The following DST variants were observed in gnomAD, a reference collection of about 807,000 sequenced individuals.
DST encodes bullous pemphigoid antigen.
In DST, 253 loss-of-function variants were observed where a neutral mutation model predicts 875.2. The observed-to-expected ratio is 0.29, with a 90% CI of 0.26 to 0.32. DST has a LOEUF of 0.32. DST is among the 10% of genes least tolerant of loss of function. The pLI is 1.00. For missense variants in DST, 8,287 were observed against 9,111.6 expected (o/e 0.91, Z 3.68); for synonymous variants, 3,124 against 3,197.1 (o/e 0.98, Z 0.77).
rs112766974 is a variant in DST, at chr6:56,669,511, G to A, written c.1214+1130C>T. 0.016 allele frequency among the ~76,000 whole-genome samples: 2,426 copies of A among 150,652 alleles called. 124 individuals carry two copies. The East Asian group carries it at 0.2, about 13-fold the overall frequency. ...CTCAGGAGGCTGAGGCAGGAGAATC[G>A]CTTGAACCTGGGAGGTGGAGGCTGC... On this transcript the variant is annotated intron_variant, in intron 10 of 103. Transcript: ENST00000680361.
chr6:56,833,969 G>A (rs1221713258), intron 4 of DST, among the ~76,000 whole-genome samples: 2 of 151,984 alleles, frequency 1.3e-5, no homozygotes, highest in South Asian at 4.1e-4. Flanking sequence ...GCTCATACCT[G>A]TAAATCCCAG....
At chr6:56,760,422 T>G (rs2152961725) in intron 4 of DST, among the ~76,000 whole-genome samples, 1 of 152,368 alleles carries the variant, frequency 6.6e-6, no homozygotes, top group African/African-American at 2.4e-5. Flanking sequence ...TAAACCCCAG[T>G]AAGACCCACT....
In DST at chr6:56,562,175, T is replaced by C. The variant is rs1434947476; in HGVS notation, c.14031A>G (p.Gly4677=). Residue 4677 remains glycine, a synonymous_variant, in exon 56 of 104, where the codon GGA becomes GGG. Coordinates refer to ENST00000680361, the MANE Select transcript of DST (RefSeq NM_001374736.1). ...AAAATTCCTCAGTATTTGTGGCTGT[T>C]CCTTCACCATTTAATACTGCTCCAC... is the stretch of plus-strand genomic sequence containing the variant. ...KSGGAVLNGE[G]TATNTEEFWA... The C allele has an allele frequency of 3.9e-6, 6 of 1,557,182 alleles. No homozygotes were observed. The highest frequency in any genetic ancestry group is 5.2e-6 in the Non-Finnish European group (6 of 1,150,206).
chr6:56,460,221 G>T lies in DST; in HGVS notation c.23104C>A (p.Pro7702Thr), dbSNP rs1298948196. The change falls in exon 103 of 104, where the codon CCA (proline) becomes ACA (threonine). Residue 7702 changes from proline to threonine, a missense_variant. This residue lies in a region of DST where 240 missense variants were observed against 237.3 expected (regional missense o/e 1.01). Coordinates refer to ENST00000680361, the MANE Select transcript of DST (RefSeq NM_001374736.1). ...TPIQGSKLRL[P>T]GYLSGKGFHS... is the part of the protein sequence containing the mutation. The stretch of plus-strand genomic sequence containing the variant: ...AAGCCTTTCCCTGATAAATATCCTG[G>T]AAGTCGAAGCTTGCTTCCTTGTATT... The T allele has an allele frequency of 1.9e-6, 3 of 1,613,824 alleles. No individual in the cohort carries two copies. Among genetic ancestry groups the T allele is most frequent in the Non-Finnish European group, 2.5e-6 (3 of 1,179,872 alleles).
At chr6:56,868,952 G>A (rs1180315821) in intron 3 of DST, among the ~76,000 whole-genome samples, 1 of 152,178 alleles carries the variant, frequency 6.6e-6, no homozygotes, top group East Asian at 1.9e-4. Flanking sequence ...TTAAGACCAA[G>A]AGATAAGAAA....
At chr6:56,810,924 G>A (rs1347882252) in intron 4 of DST, among the ~76,000 whole-genome samples, 3 of 152,044 alleles carry the variant, frequency 2.0e-5, no homozygotes, top group East Asian at 1.9e-4. Context: ...ACTCTTGCTT[G>A]AAATCCCAGC....
intron 3 of DST, among the ~76,000 whole-genome samples, chr6:56,867,448 G>T (rs1385826818): frequency 1.3e-5 from 2 of 152,152 alleles, no homozygotes; most frequent in African/African-American, 2.4e-5. Context: ...TATCTCTGGA[G>T]TTATAGGGAG....
At position 56,922,021 on chromosome 6, in the gene DST, C is replaced by T. The variant is rs80023323; in HGVS notation, c.217-21400G>A. On this transcript the variant is annotated intron_variant, in intron 2 of 103. Coordinates refer to ENST00000680361, the MANE Select transcript of DST (RefSeq NM_001374736.1). ...ACGAAATTATTTCCTTAAATACATA[C>T]ATATATACGTATGTATCCTTTCTCC... Among the ~76,000 whole-genome samples the T allele has an allele frequency of 6.6e-3, 1,004 of 152,172 alleles. 11 individuals carry two copies. Among genetic ancestry groups the T allele is most frequent in the African/African-American group, 0.023 (966 of 41,532 alleles).
chr6:56,642,672 T>C (rs750295324), intron 15 of DST, 169 bp from the exon 16 acceptor site: 1 of 1,614,146 alleles, frequency 6.2e-7, no homozygotes, highest in East Asian at 2.2e-5. Flanking sequence ...AGTTGATCAG[T>C]GTTGGACCAC....
rs1256556496 is a variant in DST at position 56,600,316 on chromosome 6, G to A, written c.11542-95C>T. 5.7e-6 allele frequency: 7 copies of A among 1,218,092 alleles called. No homozygotes were observed. The East Asian group carries it at 1.6e-4, about 28-fold the overall frequency. The allele number at this position is 1,218,092 out of a possible 1,614,324, so 75.5% of individuals were successfully genotyped here. On this transcript the variant is annotated intron_variant, in intron 44 of 103. Coordinates refer to ENST00000680361, the MANE Select transcript of DST (RefSeq NM_001374736.1). ...TATTAGAACACATTTTCCAAGTTTT[G>A]TCTAATAAGCTTTTATAAGTATGCT...
chr6:56,604,558 T>C lies in DST; in HGVS notation c.10070A>G (p.Asp3357Gly). 1.2e-6 allele frequency: 2 copies of C among 1,611,780 alleles called. No homozygotes were observed. Among genetic ancestry groups the C allele is most frequent in the Non-Finnish European group, 1.7e-6 (2 of 1,178,904 alleles). Residue 3357 changes from aspartate to glycine, a missense_variant, in exon 40 of 104, where the codon GAT (aspartate) becomes GGT (glycine). Transcript: ENST00000680361. ...TTCTTTCAACCTGCTTTTTAAGATA[T>C]CCTTTACATCCTCCACAAATACCTG... ...LSQVFVEDVK[D>G]ILKSRLKEGH...
chr6:56,654,453 C>T (rs555634045), intron 10 of DST, among the ~76,000 whole-genome samples: 1 of 151,958 alleles, frequency 6.6e-6, no homozygotes, highest in South Asian at 2.1e-4. Context: ...AAGCTTGGTG[C>T]CCTGAATTTG....
At chr6:56,896,432 C>T (rs1291915261) in intron 3 of DST, among the ~76,000 whole-genome samples, 2 of 152,170 alleles carry the variant, frequency 1.3e-5, no homozygotes, top group Non-Finnish European at 2.9e-5. Context: ...AAGTGCCTTT[C>T]ACCTCCCACG....
chr6:56,608,188 A>T lies in DST; in HGVS notation c.6440T>A (p.Met2147Lys), dbSNP rs1399620408. ...ILKNITLPDKMPDLGDLEACK... is the reference protein window; with the variant it reads ...ILKNITLPDKKPDLGDLEACK... ...AGCTTCTAAATCTCCTAAATCTGGC[A>T]TTTTATCAGGCAGTGTTATATTTTT... The change falls in exon 40 of 104, where the codon ATG becomes AAG. Residue 2147 changes from methionine to lysine, a missense_variant. By Grantham distance (95) the Met-to-Lys change is moderately conservative. Around this residue, in one of 10 missense-constraint regions of DST, gnomAD observed 3,138 missense variants for 3,116.6 expected, o/e 1.01. Transcript: ENST00000680361. 4 of 1,613,698 alleles carry T rather than the reference A, an allele frequency of 2.5e-6. No individual in the cohort carries two copies. The South Asian group carries it at 3.3e-5, about 13-fold the overall frequency.
At chr6:56,754,948 A>C (rs1418418756) in intron 4 of DST, among the ~76,000 whole-genome samples, 1 of 152,168 alleles carries the variant, frequency 6.6e-6, no homozygotes, top group African/African-American at 2.4e-5. Context: ...GATTATAAAG[A>C]AAATATAATT....
chr6:56,934,551 T>A (rs942886162), intron 2 of DST, among the ~76,000 whole-genome samples: 2 of 105,982 alleles, frequency 1.9e-5, no homozygotes, highest in African/African-American at 8.4e-5. Context: ...ATACATATTA[T>A]ATATTATATT....
intron 23 of DST, among the ~76,000 whole-genome samples, 194 bp from the exon 24 acceptor site, chr6:56,635,908 A>T (rs1028566925): frequency 2.0e-5 from 3 of 152,330 alleles, no homozygotes; most frequent in East Asian, 3.9e-4. Context: ...ATGAATGAAC[A>T]TACTAAGTGT....
At chr6:56,778,794 T>G (rs1447308052) in intron 4 of DST, among the ~76,000 whole-genome samples, 2 of 152,046 alleles carry the variant, frequency 1.3e-5, no homozygotes, top group African/African-American at 4.8e-5. Flanking sequence ...TGTTGGACAT[T>G]TGGCTTGGTT....
intron 9 of DST, among the ~76,000 whole-genome samples, chr6:56,691,356 G>A (rs2099227429): frequency 6.6e-6 from 1 of 152,104 alleles, no homozygotes; most frequent in Non-Finnish European, 1.5e-5. Flanking sequence ...ATATTGGCAA[G>A]GTGTAGCGGT....
Sources: gnomAD v4.1 joint callset for allele counts (sites outside exome capture counted in the v4.1 genomes callset) on GRCh38, gnomAD v4.1.1 for gene constraint, gnomAD v4.1.1 regional missense constraint, MANE v1.5 for transcripts, NCBI Gene and HGNC (gene_info 2026-07-23, HGNC 2026-07-21) for gene names.